The following PHETA1 variants were observed in gnomAD, a reference collection of about 807,000 sequenced individuals.
PHETA1 encodes the protein PH domain containing endocytic trafficking adaptor 1.
For synonymous variants in PHETA1, 155 were observed against 168.9 expected (o/e 0.92, Z 0.64); for missense variants, 348 against 373.5 (o/e 0.93, Z 0.56).
chr12:111,367,790 G>A lies in PHETA1; in HGVS notation c.-182+1122C>T, dbSNP rs1275603911. ...CCAGCCTTGCCTGGAGCGAAGGCCT[G>A]GCCCCTGCCTTATCTCCCCACACTG... On this transcript the variant is annotated intron_variant, in intron 1 of 2. Transcript: ENST00000683047. The surrounding 1 kb of genome is among the most constrained non-coding windows in gnomAD (Gnocchi z 4.0). 2.0e-5 allele frequency among the ~76,000 whole-genome samples: 3 copies of A among 152,230 alleles called. No homozygotes were observed. Among genetic ancestry groups the A allele is most frequent in the Non-Finnish European group, 4.4e-5 (3 of 68,034 alleles).
rs550737792 is a variant in PHETA1 at position 111,362,335 on chromosome 12, G to C, written c.*343C>G. The C allele has an allele frequency of 8.6e-5, 44 of 510,896 alleles. No individual in the cohort carries two copies. Among genetic ancestry groups the C allele is most frequent in the African/African-American group, 8.3e-4 (43 of 52,030 alleles). 31.6% of individuals were successfully genotyped at this position (510,896 alleles called of 1,614,324 possible). A position where few individuals can be genotyped will look rare whatever the true frequency, so the allele number is the denominator to read the frequency against. On this transcript the variant is annotated 3_prime_UTR_variant, in exon 3 of 3. Coordinates refer to ENST00000683047, the MANE Select transcript of PHETA1 (RefSeq NM_144671.6). Reference sequence around the variant, plus strand: ...GTCCCAGTGACCCTCTGAGCTGCAGGCCCGGCAATGCCTGTTGCCAGCACA... The same window carrying C: ...GTCCCAGTGACCCTCTGAGCTGCAGCCCCGGCAATGCCTGTTGCCAGCACA...
chr12:111,363,414 T>C lies in PHETA1; in HGVS notation c.14A>G (p.Glu5Gly), dbSNP rs1868827045. Residue 5 changes from glutamate to glycine, a missense_variant, in exon 3 of 3, where the codon GAG (glutamate) becomes GGG (glycine). By Grantham distance (98) the Glu-to-Gly change is moderately conservative (BLOSUM62 -2). Coordinates refer to ENST00000683047, the MANE Select transcript of PHETA1 (RefSeq NM_144671.6). This position sits in a 1 kb window ranked among gnomAD's most constrained non-coding sequence, Gnocchi z 7.4. ...GGTGGCGTAGAAGGCCAGGCTGCGC[T>C]CGTTCAGCTTCATGGTGGCAATCGC... Reference protein sequence around the residue: MKLNERSLAFYATCD... With the variant: MKLNGRSLAFYATCD... 6.2e-7 allele frequency: 1 copy of C among 1,610,378 alleles called. No individual in the cohort carries two copies. Among genetic ancestry groups the C allele is most frequent in the Non-Finnish European group, 8.5e-7 (1 of 1,178,200 alleles).
rs557173497 is a variant in PHETA1, at chr12:111,361,717, C to T, written c.*961G>A. On this transcript the variant is annotated 3_prime_UTR_variant, in exon 3 of 3. Transcript: ENST00000683047. The stretch of plus-strand genomic sequence containing the variant: ...GGCTCTGGAAGCCACACTCGGTGTG[C>T]GGCTTTTTCTCCGCCACTAGGTCAG... 13 of 324,958 alleles carry T rather than the reference C, an allele frequency of 4.0e-5. No homozygotes were observed. Among genetic ancestry groups the T allele is most frequent in the African/African-American group, 1.8e-4 (5 of 27,514 alleles). 20.1% of individuals were successfully genotyped at this position (324,958 alleles called of 1,614,324 possible). A position where few individuals can be genotyped will look rare whatever the true frequency, so the allele number is the denominator to read the frequency against.
chr12:111,365,182 G>T lies in PHETA1; in HGVS notation c.-37+931C>A, dbSNP rs538450696. Among the ~76,000 whole-genome samples the T allele has an allele frequency of 2.6e-5, 4 of 152,354 alleles. No individual in the cohort carries two copies. In the South Asian group the frequency reaches 8.3e-4, roughly 32 times the overall value. On this transcript the variant is annotated intron_variant, in intron 2 of 2. Transcript: ENST00000683047. Reference sequence around the variant, plus strand: ...TTGGGGTTTTCCATGGCCATTTTGAGAGCCTGCCTTATCTCCCACTGCAGA... The same window carrying T: ...TTGGGGTTTTCCATGGCCATTTTGATAGCCTGCCTTATCTCCCACTGCAGA...
rs750033974 is a variant in PHETA1, at chr12:111,367,067, C to T, written c.-181-810G>A. On this transcript the variant is annotated intron_variant, in intron 1 of 2. Coordinates refer to ENST00000683047, the MANE Select transcript of PHETA1 (RefSeq NM_144671.6). This position sits in a 1 kb window ranked among gnomAD's most constrained non-coding sequence, Gnocchi z 4.0. ...CAAGCCTCCCTTGGCTTCCAAGTTC[C>T]CTTTCCCTACCTCTTTCCCCCTTGT... 2.8e-4 allele frequency among the ~76,000 whole-genome samples: 42 copies of T among 152,118 alleles called. No homozygotes were observed. Among genetic ancestry groups the T allele is most frequent in the Non-Finnish European group, 5.1e-4 (35 of 67,990 alleles).
Position 111,367,020 on chromosome 12 carries a change from C to CAAA in PHETA1, c.-181-766_-181-764dup, listed in dbSNP as rs925270790. The stretch of plus-strand genomic sequence containing the variant: ...GGGGTGACATAGTGAGATTCTGTCT[C>CAAA]AAAAAAAAAAAAAAAAAAATCCAAG... On this transcript the variant is annotated intron_variant, in intron 1 of 2. Transcript: ENST00000683047. This position sits in a 1 kb window ranked among gnomAD's most constrained non-coding sequence, Gnocchi z 4.0. Among the ~76,000 whole-genome samples the CAAA allele has an allele frequency of 9.2e-6, 1 of 108,724 alleles. No individual in the cohort carries two copies. Among genetic ancestry groups the CAAA allele is most frequent in the Non-Finnish European group, 2.0e-5 (1 of 50,560 alleles). 71.3% of individuals were successfully genotyped at this position (108,724 alleles called of 152,430 possible).
In PHETA1 at chr12:111,362,500, C is replaced by A; in HGVS notation, c.*178G>T. 1 of 1,463,390 alleles carries A rather than the reference C, an allele frequency of 6.8e-7. No individual in the cohort carries two copies. The highest frequency in any genetic ancestry group is 1.3e-5 in the South Asian group (1 of 75,190). The allele number at this position is 1,463,390 out of a possible 1,614,324, so 90.7% of individuals were successfully genotyped here. On this transcript the variant is annotated 3_prime_UTR_variant, in exon 3 of 3. Coordinates refer to ENST00000683047, the MANE Select transcript of PHETA1 (RefSeq NM_144671.6). ...TCTGGGTCACATGGTCCTAAAGGCC[C>A]ACTCAGAATCCAGCACCTTCTCAGA...
Position 111,367,680 on chromosome 12 carries a change from C to T in PHETA1, c.-182+1232G>A, listed in dbSNP as rs181659586. ...GATAGAGGCCAAACTGGTTCAAGGT[C>T]ACCAGCAGGCACAGGACCCAGCTCT... On this transcript the variant is annotated intron_variant, in intron 1 of 2. Coordinates refer to ENST00000683047, the MANE Select transcript of PHETA1 (RefSeq NM_144671.6). This position sits in a 1 kb window ranked among gnomAD's most constrained non-coding sequence, Gnocchi z 4.0. 2.4e-3 allele frequency among the ~76,000 whole-genome samples: 361 copies of T among 152,364 alleles called. No individual in the cohort carries two copies. The highest frequency in any genetic ancestry group is 4.0e-3 in the Non-Finnish European group (273 of 68,036).
chr12:111,362,559 C>G lies in PHETA1; in HGVS notation c.*119G>C, dbSNP rs1463041122. On this transcript the variant is annotated 3_prime_UTR_variant, in exon 3 of 3. Coordinates refer to ENST00000683047, the MANE Select transcript of PHETA1 (RefSeq NM_144671.6). ...CCCCCAAAACCAGGCCACTCAGGGC[C>G]TGGGGGCCAGCCTTGCCCATGATTT... The G allele has an allele frequency of 7.8e-6, 12 of 1,536,480 alleles. No homozygotes were observed. Among genetic ancestry groups the G allele is most frequent in the Non-Finnish European group, 1.0e-5 (12 of 1,146,216 alleles).
chr12:111,362,812 G>C lies in PHETA1; in HGVS notation c.616C>G (p.Pro206Ala). The change falls in exon 3 of 3, where the codon CCA becomes GCA. Residue 206 changes from proline (P) to alanine (A), a missense_variant. Coordinates refer to ENST00000683047, the MANE Select transcript of PHETA1 (RefSeq NM_144671.6). The part of the protein sequence containing the change: ...TFRPGPEPPP[P>A]PPRRRASAPH... ...GCCGAGGCCCGGCGGCGAGGCGGTG[G>C]TGGAGGGGGCTCGGGTCCAGGCCTG... 6.5e-7 allele frequency: 1 copy of C among 1,539,254 alleles called. No homozygotes were observed. The highest frequency in any genetic ancestry group is 8.7e-7 in the Non-Finnish European group (1 of 1,145,494).
Position 111,362,306 on chromosome 12 carries a change from C to T in PHETA1, c.*372G>A, listed in dbSNP as rs192424889. ...TTTGCTTTTCAGGCCACAGATCGCCCTCAGTCCCAGTGACCCTCTGAGCTG... is the reference window on the plus strand; with the variant it reads ...TTTGCTTTTCAGGCCACAGATCGCCTTCAGTCCCAGTGACCCTCTGAGCTG... On this transcript the variant is annotated 3_prime_UTR_variant, in exon 3 of 3. Coordinates refer to ENST00000683047, the MANE Select transcript of PHETA1 (RefSeq NM_144671.6). 136 of 459,376 alleles carry T rather than the reference C, an allele frequency of 3.0e-4. No individual in the cohort carries two copies. Among genetic ancestry groups the T allele is most frequent in the Non-Finnish European group, 4.5e-4 (112 of 247,726 alleles). The allele number at this position is 459,376 out of a possible 1,614,324, so 28.5% of individuals were successfully genotyped here.
Position 111,363,665 on chromosome 12 carries a change from C to T in PHETA1, c.-36-202G>A. The T allele has an allele frequency of 6.5e-7, 1 of 1,533,756 alleles. No individual in the cohort carries two copies. The highest frequency in any genetic ancestry group is 2.5e-5 in the East Asian group (1 of 40,796). On this transcript the variant is annotated intron_variant, in intron 2 of 2. Transcript: ENST00000683047. The surrounding 1 kb of genome is among the most constrained non-coding windows in gnomAD (Gnocchi z 7.4). ...GGAACCTGGGTCTCACGGGCCTCCC[C>T]AGACAGCCTCATAACCTCCTACCCT...
Position 111,363,008 on chromosome 12 carries a change from C to T in PHETA1, c.420G>A (p.Gln140=), listed in dbSNP as rs761566107. Residue 140 remains glutamine, a synonymous_variant, in exon 3 of 3, where the codon CAG becomes CAA. Coordinates refer to ENST00000683047, the MANE Select transcript of PHETA1 (RefSeq NM_144671.6). The surrounding 1 kb of genome is among the most constrained non-coding windows in gnomAD (Gnocchi z 7.4). ...VRGGGGMALP[Q]PQPQSLPLPP... is the part of the protein sequence containing the mutation. ...GCAAGGGCAGGGACTGGGGCTGGGGCTGGGGCAGGGCCATGCCACCCCCGC... is the reference window on the plus strand; with the variant it reads ...GCAAGGGCAGGGACTGGGGCTGGGGTTGGGGCAGGGCCATGCCACCCCCGC... The T allele has an allele frequency of 1.1e-5, 16 of 1,501,302 alleles. No homozygotes were observed. In the Admixed American group the frequency reaches 2.3e-4, roughly 22 times the overall value. 93.0% of individuals were successfully genotyped at this position (1,501,302 alleles called of 1,614,324 possible).
Position 111,363,439 on chromosome 12 carries a change from CG to C in PHETA1, c.-13del. The C allele has an allele frequency of 6.2e-7, 1 of 1,604,860 alleles. No homozygotes were observed. The highest frequency in any genetic ancestry group is 8.5e-7 in the Non-Finnish European group (1 of 1,174,576). On this transcript the variant is annotated 5_prime_UTR_variant, in exon 3 of 3. Coordinates refer to ENST00000683047, the MANE Select transcript of PHETA1 (RefSeq NM_144671.6). This position sits in a 1 kb window ranked among gnomAD's most constrained non-coding sequence, Gnocchi z 7.4. ...TCGTTCAGCTTCATGGTGGCAATCG[CG>C]GGGCCTGGAGGGGAGCCTGGGGCCT...
At chr12:111,366,306 T>C (rs1349352245) in intron 1 of PHETA1, 49 bp from the exon 2 acceptor site, 1 of 154,616 alleles carries the variant, frequency 6.5e-6, no homozygotes, top group Non-Finnish European at 1.5e-5. Flanking sequence ...GTTGTGACAA[T>C]GATACAGTGA....
rs1281791008 is a variant in PHETA1, at chr12:111,362,940, G to T, written c.488C>A (p.Pro163His). ...PSALAPVPSL[P>H]SAPAPVPALP... is the part of the protein sequence containing the mutation. ...GGCTGGGACCGGGGCTGGGGCAGAA[G>T]GCAGGGATGGGACTGGGGCCAGGGC... is the stretch of plus-strand genomic sequence containing the variant. The change falls in exon 3 of 3, where the codon CCT becomes CAT. Residue 163 changes from proline to histidine, a missense_variant. Coordinates refer to ENST00000683047, the MANE Select transcript of PHETA1 (RefSeq NM_144671.6). The T allele has an allele frequency of 2.0e-6, 3 of 1,488,062 alleles. No individual in the cohort carries two copies. The highest frequency in any genetic ancestry group is 2.7e-6 in the Non-Finnish European group (3 of 1,123,226). 92.2% of individuals were successfully genotyped at this position (1,488,062 alleles called of 1,614,324 possible).
rs116175542 is a variant in PHETA1, at chr12:111,363,890, C to T, written c.-36-427G>A. ...AGGTTGGGCAGGGCTGAAATCCAAA[C>T]CCAGGCCTCATTTCAGGCGCTGCTG... On this transcript the variant is annotated intron_variant, in intron 2 of 2. Coordinates refer to ENST00000683047, the MANE Select transcript of PHETA1 (RefSeq NM_144671.6). This position sits in a 1 kb window ranked among gnomAD's most constrained non-coding sequence, Gnocchi z 7.4. 694 of 483,854 alleles carry T rather than the reference C, an allele frequency of 1.4e-3. 7 individuals are homozygous for T. Among genetic ancestry groups the T allele is most frequent in the African/African-American group, 0.013 (624 of 49,232 alleles). The allele number at this position is 483,854 out of a possible 1,614,324, so 30.0% of individuals were successfully genotyped here. A position where few individuals can be genotyped will look rare whatever the true frequency, so the allele number is the denominator to read the frequency against.
rs759043573 is a variant in PHETA1, at chr12:111,363,164, C to T, written c.264G>A (p.Ala88=). The part of the protein sequence containing the change: ...AFAVRFAGTR[A]RTYVLAAESQ... ...TCTCAGCGGCCAGCACGTAGGTGCG[C>T]GCCCGGGTCCCCGCAAAGCGCACAG... The change falls in exon 3 of 3, where the codon GCG becomes GCA. Residue 88 remains alanine (A), a synonymous_variant. Transcript: ENST00000683047. This position sits in a 1 kb window ranked among gnomAD's most constrained non-coding sequence, Gnocchi z 7.4. The T allele has an allele frequency of 1.4e-5, 23 of 1,611,738 alleles. No individual in the cohort carries two copies. The highest frequency in any genetic ancestry group is 2.7e-5 in the African/African-American group (2 of 74,934).
Position 111,362,528 on chromosome 12 carries a change from C to A in PHETA1, c.*150G>T, listed in dbSNP as rs1296224566. ...TCAGAATCCAGCACCTTCTCAGAGC[C>A]TGCATCCCCCAAAACCAGGCCACTC... On this transcript the variant is annotated 3_prime_UTR_variant, in exon 3 of 3. Transcript: ENST00000683047. 2 of 1,513,474 alleles carry A rather than the reference C, an allele frequency of 1.3e-6. No homozygotes were observed. The highest frequency in any genetic ancestry group is 4.3e-5 in the Admixed American group (2 of 46,702). The allele number at this position is 1,513,474 out of a possible 1,614,324, so 93.8% of individuals were successfully genotyped here. A position where few individuals can be genotyped will look rare whatever the true frequency, so the allele number is the denominator to read the frequency against.
Sources: gnomAD v4.1 joint callset for allele counts (sites outside exome capture counted in the v4.1 genomes callset) on GRCh38, gnomAD v4.1.1 for gene constraint, Gnocchi (gnomAD v3.1) non-coding constraint, MANE v1.5 for transcripts, NCBI Gene and HGNC (gene_info 2026-07-23, HGNC 2026-07-21) for gene names.